TENM1: variants seen among roughly 807,000 people sequenced by gnomAD.
TENM1 encodes the protein teneurin transmembrane protein 1, also known as teneurin-1.
Under a neutral mutation model 174.8 loss-of-function variants are expected in TENM1, and 35 were observed. That is an observed-to-expected ratio of 0.20 (90% CI 0.15 to 0.27). TENM1 has a LOEUF of 0.27. TENM1 is among the 10% of genes least tolerant of loss of function. The probability of loss-of-function intolerance (pLI) is 1.00; values close to 1 mark genes in which losing one functional copy is unlikely to be tolerated. For missense variants in TENM1, 1,633 were observed against 2,130.1 expected, an observed-to-expected ratio of 0.77 and a Z score of 4.59; for synonymous variants, 781 against 798.7, an observed-to-expected ratio of 0.98 and a Z score of 0.37.
chrX:124,442,646 G>T (rs959543941), intron 23 of TENM1, among the ~76,000 whole-genome samples: 4 of 111,825 alleles, frequency 3.6e-5, no homozygotes, highest in Non-Finnish European at 7.5e-5. Context: ...AAGGGGAAAA[G>T]AAGGTGCCTT....
At chrX:124,580,190 G>A (rs777953605) in intron 11 of TENM1, among the ~76,000 whole-genome samples, 1 of 111,348 alleles carries the variant, frequency 9.0e-6, no homozygotes, top group South Asian at 3.8e-4. Context: ...TGGCTACAAT[G>A]TAAGGAAACA....
the TENM1 span, among the ~76,000 whole-genome samples, chrX:125,009,400 G>C: frequency 9.0e-6 from 1 of 111,364 alleles, no homozygotes; most frequent in Admixed American, 9.5e-5. Context: ...TTAATAGCCT[G>C]TCAATCAAAA....
At chrX:124,741,624 C>A (rs1298233915) in intron 3 of TENM1, among the ~76,000 whole-genome samples, 1 of 111,727 alleles carries the variant, frequency 9.0e-6, no homozygotes, top group South Asian at 3.7e-4. Flanking sequence ...AAATATGACA[C>A]TTTATCTTGT....
chrX:124,872,553 T>G (rs1407066803), intron 3 of TENM1, among the ~76,000 whole-genome samples: 1 of 112,268 alleles, frequency 8.9e-6, no homozygotes, highest in African/African-American at 3.2e-5. Flanking sequence ...AAACTCTATT[T>G]AAAATCAACC....
At chrX:124,613,342 A>G (rs781333778) in intron 11 of TENM1, among the ~76,000 whole-genome samples, 2 of 111,540 alleles carry the variant, frequency 1.8e-5, no homozygotes, top group South Asian at 7.6e-4. Flanking sequence ...GAAAGGGACA[A>G]CTGCTGATCG....
chrX:124,900,022 C>A (rs960556692), intron 1 of TENM1, among the ~76,000 whole-genome samples: 1 of 112,330 alleles, frequency 8.9e-6, no homozygotes, highest in Non-Finnish European at 1.9e-5. Context: ...GCCATACTTA[C>A]CAAAAGAGCA....
At position 124,462,436 on chromosome X, in the gene TENM1, G is replaced by T. The variant is rs1569532925; in HGVS notation, c.3950-8945C>A. 1.0e-3 allele frequency among the ~76,000 whole-genome samples: 100 copies of T among 99,172 alleles called. 2 individuals carry two copies. The highest frequency in any genetic ancestry group is 3.8e-3 in the African/African-American group (97 of 25,735). The allele number at this position is 99,172 out of a possible 115,157, so 86.1% of individuals were successfully genotyped here. A position where few individuals can be genotyped will look rare whatever the true frequency, so the allele number is the denominator to read the frequency against. On this transcript the variant is annotated intron_variant, in intron 22 of 31. Coordinates refer to ENST00000422452, the Ensembl canonical transcript of TENM1. ...TGAGATACTGTGTGTGTGTGTGGGGGGGGTGGGGGTGGGGGGGAGGGTGTG... is the reference window on the plus strand; with the variant it reads ...TGAGATACTGTGTGTGTGTGTGGGGTGGGTGGGGGTGGGGGGGAGGGTGTG...
At chrX:124,974,647 A>G in the TENM1 span, among the ~76,000 whole-genome samples, 159 of 109,023 alleles carry the variant, frequency 1.5e-3, no homozygotes, top group Non-Finnish European at 2.7e-3. Flanking sequence ...ATTTTTGTTA[A>G]AGCCTCAAAA....
At chrX:125,163,629 A>G in the TENM1 span, among the ~76,000 whole-genome samples, 1 of 111,541 alleles carries the variant, frequency 9.0e-6, no homozygotes, top group African/African-American at 3.3e-5. Flanking sequence ...TCTTCAGAGA[A>G]GCCTGTTTCC....
At chrX:125,013,659 C>T in the TENM1 span, among the ~76,000 whole-genome samples, 1 of 111,347 alleles carries the variant, frequency 9.0e-6, no homozygotes, top group Non-Finnish European at 1.9e-5. Context: ...AATGATAGTT[C>T]GCATTTGAGT....
chrX:124,951,967 C>T lies in TENM1; in HGVS notation c.217+11570G>A, dbSNP rs147018975. ...GGTACTGCCAATCATATTGCAGATT[C>T]GAAAGAACACACTGACTAAATATCC... is the stretch of plus-strand genomic sequence containing the variant. On this transcript the variant is annotated intron_variant, in intron 1 of 31. Transcript: ENST00000422452. 4.2e-3 allele frequency among the ~76,000 whole-genome samples: 458 copies of T among 109,787 alleles called. 2 individuals carry two copies. Among genetic ancestry groups the T allele is most frequent in the African/African-American group, 0.015 (440 of 30,255 alleles).
chrX:125,129,157 T>C, the TENM1 span, among the ~76,000 whole-genome samples: 2 of 111,673 alleles, frequency 1.8e-5, no homozygotes, highest in African/African-American at 6.5e-5. Context: ...AGAAACTCAA[T>C]TGGCTGGAAA....
the TENM1 span, among the ~76,000 whole-genome samples, chrX:125,110,869 G>A: frequency 9.0e-6 from 1 of 111,715 alleles, no homozygotes; most frequent in Admixed American, 9.5e-5. Context: ...CTTCCAAAAA[G>A]CTGTGTGTCT....
chrX:124,899,824 T>G (rs7891745), intron 1 of TENM1, among the ~76,000 whole-genome samples: 11,657 of 111,421 alleles, frequency 0.1, 1,464 homozygotes, highest in African/African-American at 0.36. Flanking sequence ...ACTGTTACCA[T>G]GAAAATGCAA....
At chrX:124,756,788 G>A (rs752441534) in intron 3 of TENM1, among the ~76,000 whole-genome samples, 10 of 112,264 alleles carry the variant, frequency 8.9e-5, no homozygotes, top group Non-Finnish European at 1.5e-4. Context: ...ACCAGCAGCA[G>A]TGGCTGCAGA....
chrX:124,926,375 G>A (rs1397565138), intron 1 of TENM1, among the ~76,000 whole-genome samples: 4 of 111,920 alleles, frequency 3.6e-5, no homozygotes, highest in African/African-American at 6.5e-5. Context: ...TAAAAGTAAC[G>A]TGTGGGAAGT....
the TENM1 span, among the ~76,000 whole-genome samples, chrX:124,998,521 C>T: frequency 9.1e-6 from 1 of 110,097 alleles, no homozygotes; most frequent in African/African-American, 3.3e-5. Context: ...ATGATAGCAG[C>T]TAATGTTTAC....
intron 25 of TENM1, among the ~76,000 whole-genome samples, chrX:124,419,423 C>G (rs2239475): frequency 0.3 from 33,589 of 110,801 alleles, 4,139 homozygotes; most frequent in Middle Eastern, 0.4. Context: ...GATTAGCTCA[C>G]TCAGTATACT....
the TENM1 span, among the ~76,000 whole-genome samples, chrX:125,197,372 T>C: frequency 1.4e-4 from 16 of 111,455 alleles, no homozygotes; most frequent in African/African-American, 5.2e-4. Flanking sequence ...AATAAATATA[T>C]GGTGATTTCA....
Sources: allele counts gnomAD v4.1 joint callset (sites outside exome capture counted in the v4.1 genomes callset), GRCh38; gene constraint gnomAD v4.1.1; transcripts MANE v1.5; gene names NCBI Gene and HGNC (gene_info 2026-07-23, HGNC 2026-07-21).